Variants in KIF13A observed in about 807,000 individuals in gnomAD.
KIF13A encodes the protein kinesin family member 13A, also known as kinesin-like protein KIF13A.
Under a neutral mutation model 212.2 loss-of-function variants are expected in KIF13A, and 79 were observed. The ratio of observed to expected loss-of-function variants is 0.37; its 90% confidence interval spans 0.31 to 0.45. The LOEUF (loss-of-function observed/expected upper bound fraction) is 0.45, where lower values mean the gene tolerates loss of function less well. Ranked by LOEUF, KIF13A falls within the 20% of genes least tolerant of loss-of-function variation. KIF13A has a pLI of 1.00. For synonymous variants in KIF13A, 789 were observed against 808.6 expected (o/e 0.98, Z 0.41); for missense variants, 1,901 against 2,209.0 (o/e 0.86, Z 2.79).
chr6:17,785,247 T>C lies in KIF13A; in HGVS notation c.3488+268A>G, dbSNP rs1167676725. Among the ~76,000 whole-genome samples, 1 of 152,212 alleles carries C rather than the reference T, an allele frequency of 6.6e-6. No individual in the cohort carries two copies. On this transcript the variant is annotated intron_variant, in intron 28 of 38. Coordinates refer to ENST00000259711, the MANE Select transcript of KIF13A (RefSeq NM_022113.6). This position sits in a 1 kb window ranked among gnomAD's most constrained non-coding sequence, Gnocchi z 5.8. ...AGAGTTTCTGGGCATCAGGGAACAA[T>C]GTCCAAGTTGCTTATGCAGAGGAAC...
Position 17,886,283 on chromosome 6 carries a change from T to C in KIF13A, c.159+11885A>G, listed in dbSNP as rs1412790187. Among the ~76,000 whole-genome samples the C allele has an allele frequency of 6.6e-6, 1 of 152,186 alleles. No individual in the cohort carries two copies. The highest frequency in any genetic ancestry group is 1.5e-5 in the Non-Finnish European group (1 of 68,026). Reference sequence around the variant, plus strand: ...CAGTCCCCTCTGCCTCACTGCACCATGCCAGGTACATAGAGCCACAGAGAG... The same window carrying C: ...CAGTCCCCTCTGCCTCACTGCACCACGCCAGGTACATAGAGCCACAGAGAG... On this transcript the variant is annotated intron_variant, in intron 3 of 38. Coordinates refer to ENST00000259711, the MANE Select transcript of KIF13A (RefSeq NM_022113.6). This position sits in a 1 kb window ranked among gnomAD's most constrained non-coding sequence, Gnocchi z 5.6.
intron 12 of KIF13A, among the ~76,000 whole-genome samples, chr6:17,832,952 T>G (rs1332621510): frequency 7.4e-6 from 1 of 134,448 alleles, no homozygotes; most frequent in Non-Finnish European, 1.5e-5. Flanking sequence ...AGGCGGAGGT[T>G]GCAGTGAGCC....
At position 17,783,504 on chromosome 6, in the gene KIF13A, G is replaced by A. The variant is rs1450556469; in HGVS notation, c.3544+142C>T. The A allele has an allele frequency of 4.0e-5, 27 of 668,178 alleles. No homozygotes were observed. The highest frequency in any genetic ancestry group is 6.4e-5 in the Non-Finnish European group (24 of 377,534). The allele number at this position is 668,178 out of a possible 1,614,324, so 41.4% of individuals were successfully genotyped here. On this transcript the variant is annotated intron_variant, in intron 29 of 38. Coordinates refer to ENST00000259711, the MANE Select transcript of KIF13A (RefSeq NM_022113.6). This position sits in a 1 kb window ranked among gnomAD's most constrained non-coding sequence, Gnocchi z 4.3. ...TTATCCACATATCATGCTTATATACGTTTAATGAGAACAAAAATGTCACCC... is the reference window on the plus strand; with the variant it reads ...TTATCCACATATCATGCTTATATACATTTAATGAGAACAAAAATGTCACCC...
chr6:17,948,487 T>C (rs1233302763), intron 2 of KIF13A, among the ~76,000 whole-genome samples: 1 of 151,868 alleles, frequency 6.6e-6, no homozygotes, highest in East Asian at 1.9e-4. Context: ...AAATAAGTTA[T>C]GCTACATGAA....
At chr6:17,975,331 G>A (rs527825232) in intron 2 of KIF13A, among the ~76,000 whole-genome samples, 4 of 149,314 alleles carry the variant, frequency 2.7e-5, no homozygotes, top group East Asian at 3.9e-4. Flanking sequence ...GTAGGTTCTT[G>A]GTCTCACTAA....
chr6:17,981,781 TAAC>T (rs1306893137), intron 2 of KIF13A, among the ~76,000 whole-genome samples: 1 of 152,148 alleles, frequency 6.6e-6, no homozygotes, highest in Non-Finnish European at 1.5e-5. Flanking sequence ...GAGAGAAGAA[TAAC>T]AACACAGAAA....
chr6:17,902,868 C>T (rs1486947167), intron 2 of KIF13A, among the ~76,000 whole-genome samples: 1 of 152,104 alleles, frequency 6.6e-6, no homozygotes, highest in Non-Finnish European at 1.5e-5. Flanking sequence ...GTCCCCAATC[C>T]CATCTATTCA....
rs1402443892 is a variant in KIF13A, at chr6:17,764,973, A to G, written c.4582-27T>C. On this transcript the variant is annotated intron_variant, in intron 38 of 38. Transcript: ENST00000259711. This position sits in a 1 kb window ranked among gnomAD's most constrained non-coding sequence, Gnocchi z 5.1. ...TATAGAAGTGAAGCAAAAGTCAGTCATTAGCTCCTTGTAGCAACTGTACTG... is the reference window on the plus strand; with the variant it reads ...TATAGAAGTGAAGCAAAAGTCAGTCGTTAGCTCCTTGTAGCAACTGTACTG... 3 of 1,543,086 alleles carry G rather than the reference A, an allele frequency of 1.9e-6. No individual in the cohort carries two copies. The highest frequency in any genetic ancestry group is 2.6e-6 in the Non-Finnish European group (3 of 1,138,726).
At chr6:17,833,921 A>G (rs1227384270) in intron 12 of KIF13A, 40 bp downstream of exon 12, 1 of 1,107,604 alleles carries the variant, frequency 9.0e-7, no homozygotes, top group Non-Finnish European at 1.3e-6. Context: ...CAATAAGTGA[A>G]AAAGAATCCC....
rs189787170 is a variant in KIF13A at position 17,817,930 on chromosome 6, C to G, written c.1787-697G>C. On this transcript the variant is annotated intron_variant, in intron 16 of 38. Transcript: ENST00000259711. ...GGTATAGATGTACTAACAGATCTTG[C>G]TCCAATGAGCTACCATGATGGTTGT... 1.3e-4 allele frequency among the ~76,000 whole-genome samples: 20 copies of G among 151,970 alleles called. No homozygotes were observed. In the East Asian group the frequency reaches 3.9e-3, roughly 29 times the overall value.
intron 2 of KIF13A, among the ~76,000 whole-genome samples, chr6:17,952,303 C>CA (rs35418848): frequency 3.0e-4 from 31 of 102,274 alleles, no homozygotes; most frequent in Admixed American, 9.1e-4. Context: ...GACTCCGTCT[C>CA]AAAAAAAAAA....
chr6:17,820,884 A>C (rs937976640), intron 16 of KIF13A, among the ~76,000 whole-genome samples: 1 of 152,206 alleles, frequency 6.6e-6, no homozygotes, highest in African/African-American at 2.4e-5. Flanking sequence ...TAAGAAAGAG[A>C]ATTAGAATTA....
intron 9 of KIF13A, among the ~76,000 whole-genome samples, chr6:17,842,591 G>C (rs1039697246): frequency 6.6e-6 from 1 of 152,162 alleles, no homozygotes; most frequent in Non-Finnish European, 1.5e-5. Context: ...ATATAGTAAG[G>C]AGGCTCTTAA....
intron 3 of KIF13A, among the ~76,000 whole-genome samples, chr6:17,877,254 T>C (rs1033183828): frequency 6.6e-6 from 1 of 152,066 alleles, no homozygotes; most frequent in Admixed American, 6.6e-5. Flanking sequence ...TGTACTCAAC[T>C]TACATCATCA....
chr6:17,976,983 T>G (rs942760797), intron 2 of KIF13A, among the ~76,000 whole-genome samples: 14 of 151,780 alleles, frequency 9.2e-5, no homozygotes, highest in Non-Finnish European at 1.6e-4. Context: ...GCGCCTGTAG[T>G]ACCAGCTACT....
At chr6:17,819,392 A>C (rs748807553) in intron 16 of KIF13A, among the ~76,000 whole-genome samples, 1 of 152,008 alleles carries the variant, frequency 6.6e-6, no homozygotes, top group Non-Finnish European at 1.5e-5. Flanking sequence ...ATGAGACCCT[A>C]TCTCTACTAA....
intron 2 of KIF13A, among the ~76,000 whole-genome samples, chr6:17,959,841 T>G (rs896951083): frequency 1.3e-5 from 2 of 152,160 alleles, no homozygotes; most frequent in African/African-American, 4.8e-5. Flanking sequence ...CTGACCAACA[T>G]GGAGAAACCT....
intron 2 of KIF13A, chr6:17,950,714 G>C: frequency 1.0e-6 from 1 of 982,984 alleles, no homozygotes; most frequent in Non-Finnish European, 1.2e-6. Flanking sequence ...CCTAAAAAAC[G>C]AAATATATGA....
Position 17,982,362 on chromosome 6 carries a change from T to C in KIF13A, c.146+4692A>G. 1 of 883,384 alleles carries C rather than the reference T, an allele frequency of 1.1e-6. No homozygotes were observed. The highest frequency in any genetic ancestry group is 1.4e-6 in the Non-Finnish European group (1 of 737,512). 54.7% of individuals were successfully genotyped at this position (883,384 alleles called of 1,614,324 possible). On this transcript the variant is annotated intron_variant, in intron 2 of 38. Transcript: ENST00000259711. The surrounding 1 kb of genome is among the most constrained non-coding windows in gnomAD (Gnocchi z 5.1). ...ATCTGCCTGCCTTGGCCTCCCAAAG[T>C]GCTGGGATTACAGATGTGAGCCACT...
Sources: gnomAD v4.1 joint callset for allele counts (sites outside exome capture counted in the v4.1 genomes callset) on GRCh38, gnomAD v4.1.1 for gene constraint, Gnocchi (gnomAD v3.1) non-coding constraint, MANE v1.5 for transcripts, NCBI Gene and HGNC (gene_info 2026-07-23, HGNC 2026-07-21) for gene names.